MYO16: variants seen among roughly 807,000 people sequenced by gnomAD.
MYO16 encodes unconventional myosin-XVI.
A neutral mutation model predicts 205.3 loss-of-function variants in MYO16; 94 were observed. That is an observed-to-expected ratio of 0.46 (90% CI 0.39 to 0.54). The LOEUF is 0.54. Ranked by LOEUF, MYO16 falls within the 20% of genes least tolerant of loss-of-function variation. MYO16 has a pLI of 0.00. For missense variants in MYO16, 2,315 were observed against 2,387.5 expected, an observed-to-expected ratio of 0.97 and a Z score of 0.63; for synonymous variants, 988 against 954.0, an observed-to-expected ratio of 1.04 and a Z score of -0.66.
At chr13:108,884,754 A>G (rs935136625) in intron 13 of MYO16, among the ~76,000 whole-genome samples, 12 of 151,930 alleles carry the variant, frequency 7.9e-5, no homozygotes, top group African/African-American at 2.7e-4. Flanking sequence ...TCTAGACACA[A>G]GGATGAGAAA....
At position 108,883,129 on chromosome 13, in the gene MYO16, T is replaced by C. The variant is rs1238791027; in HGVS notation, c.1496T>C (p.Val499Ala). The change falls in exon 13 of 35, where the codon GTG becomes GCG. Residue 499 changes from valine (V) to alanine (A), a missense_variant. Coordinates refer to ENST00000457511, the MANE Select transcript of MYO16 (RefSeq NM_001198950.3). ...CTGCCTCCTCACCTCTTCTCCTGTG[T>C]GGAGAGAGCCTTTCACCAGCTCTTC... is the stretch of plus-strand genomic sequence containing the variant. ...SSLPPHLFSC[V>A]ERAFHQLFRE... 1.2e-6 allele frequency: 2 copies of C among 1,614,096 alleles called. No individual in the cohort carries two copies. The highest frequency in any genetic ancestry group is 1.7e-6 in the Non-Finnish European group (2 of 1,179,968).
At chr13:109,144,696 T>TA (rs1877249961) in intron 32 of MYO16, among the ~76,000 whole-genome samples, 1 of 152,256 alleles carries the variant, frequency 6.6e-6, no homozygotes, top group Non-Finnish European at 1.5e-5. Flanking sequence ...TTAAATTAAC[T>TA]AAAGTTCATT....
At chr13:108,842,033 G>T (rs555214385) in intron 9 of MYO16, among the ~76,000 whole-genome samples, 1 of 152,164 alleles carries the variant, frequency 6.6e-6, no homozygotes, top group Non-Finnish European at 1.5e-5. Context: ...ACAAAAGAAT[G>T]AAATTGGACC....
the MYO16 span, among the ~76,000 whole-genome samples, chr13:108,579,665 T>A: frequency 1.3e-5 from 2 of 152,130 alleles, no homozygotes; most frequent in African/African-American, 4.8e-5. Flanking sequence ...GGTCTCAAAC[T>A]CCTGACCTCG....
rs1029601489 is a variant in MYO16 at position 109,023,803 on chromosome 13, A to G, written c.2796+3892A>G. 2.2e-5 allele frequency among the ~76,000 whole-genome samples: 3 copies of G among 135,932 alleles called. No individual in the cohort carries two copies. In the South Asian group the frequency reaches 6.9e-4, roughly 31 times the overall value. 89.2% of individuals were successfully genotyped at this position (135,932 alleles called of 152,430 possible). ...TATTATATGCATATTCTACATTTAT[A>G]TACATATATTTATATTTTATATTTG... is the stretch of plus-strand genomic sequence containing the variant. On this transcript the variant is annotated intron_variant, in intron 23 of 34. Coordinates refer to ENST00000457511, the MANE Select transcript of MYO16 (RefSeq NM_001198950.3).
At chr13:108,647,289 G>A (rs1334200934) in intron 1 of MYO16, among the ~76,000 whole-genome samples, 1 of 152,022 alleles carries the variant, frequency 6.6e-6, no homozygotes, top group Non-Finnish European at 1.5e-5. Context: ...CCCAGAATTA[G>A]TGCATATGCT....
chr13:108,576,054 G>A, the MYO16 span, among the ~76,000 whole-genome samples: 4 of 152,096 alleles, frequency 2.6e-5, no homozygotes, highest in Admixed American at 1.3e-4. Flanking sequence ...AGCACCCTAA[G>A]ACTAAAGAAA....
At chr13:108,585,667 T>C in the MYO16 span, among the ~76,000 whole-genome samples, 36 of 152,310 alleles carry the variant, frequency 2.4e-4, no homozygotes, top group Non-Finnish European at 2.9e-5. Flanking sequence ...GAATATATTT[T>C]GGGGTTAAGT....
At chr13:108,858,111 G>A (rs1192542822) in intron 11 of MYO16, among the ~76,000 whole-genome samples, 2 of 152,122 alleles carry the variant, frequency 1.3e-5, no homozygotes, top group Non-Finnish European at 2.9e-5. Context: ...TGTTGTCTGT[G>A]GACTAGTAGA....
intron 27 of MYO16, among the ~76,000 whole-genome samples, chr13:109,060,813 A>AAG (rs1458847032): frequency 1.3e-5 from 2 of 152,142 alleles, no homozygotes; most frequent in African/African-American, 4.8e-5. Flanking sequence ...AGCCCCTCAC[A>AAG]AGAGAGTCAG....
the MYO16 span, among the ~76,000 whole-genome samples, chr13:108,526,892 C>T: frequency 6.6e-6 from 1 of 152,158 alleles, no homozygotes; most frequent in African/African-American, 2.4e-5. Flanking sequence ...AGGGTTATAA[C>T]AAGCACAGAC....
intron 2 of MYO16, among the ~76,000 whole-genome samples, chr13:108,679,867 C>T (rs1343680972): frequency 1.3e-5 from 2 of 151,998 alleles, no homozygotes; most frequent in Non-Finnish European, 2.9e-5. Flanking sequence ...TCACCCTTCC[C>T]ATTTCACACC....
At chr13:109,118,695 T>TG (rs1875841999) in intron 28 of MYO16, among the ~76,000 whole-genome samples, 1 of 152,166 alleles carries the variant, frequency 6.6e-6, no homozygotes, top group Non-Finnish European at 1.5e-5. Context: ...TTCCAATGCC[T>TG]GTCTCACAGA....
At chr13:108,989,290 C>T (rs930766445) in intron 20 of MYO16, among the ~76,000 whole-genome samples, 1 of 152,064 alleles carries the variant, frequency 6.6e-6, no homozygotes, top group African/African-American at 2.4e-5. Context: ...TGTTCATGAA[C>T]ATTTCCTATG....
At chr13:108,519,814 G>A in the MYO16 span, among the ~76,000 whole-genome samples, 3 of 152,078 alleles carry the variant, frequency 2.0e-5, no homozygotes, top group Admixed American at 6.6e-5. Context: ...TTTATGTCTT[G>A]TTTGCCTTAG....
At chr13:108,677,322 T>C (rs1303469234) in intron 2 of MYO16, among the ~76,000 whole-genome samples, 1 of 129,094 alleles carries the variant, frequency 7.7e-6, no homozygotes, top group Non-Finnish European at 1.6e-5. Context: ...CATGTGTGTG[T>C]GTGTGTGTGT....
At chr13:108,728,334 A>G (rs2139585866) in intron 4 of MYO16, among the ~76,000 whole-genome samples, 1 of 152,348 alleles carries the variant, frequency 6.6e-6, no homozygotes, top group Non-Finnish European at 1.5e-5. Flanking sequence ...ACTTGCCGTA[A>G]GCCAAAAGCA....
intron 3 of MYO16, among the ~76,000 whole-genome samples, chr13:108,724,947 C>G (rs1249913408): frequency 6.6e-6 from 1 of 152,098 alleles, no homozygotes; most frequent in Non-Finnish European, 1.5e-5. Flanking sequence ...TTGATATAAT[C>G]TTTTAAAAAG....
chr13:108,785,745 T>C lies in MYO16; in HGVS notation c.616+2T>C. On this transcript the variant is annotated splice_donor_variant, in intron 5 of 34. Transcript: ENST00000457511. LOFTEE classifies it high-confidence loss of function. ...TGTTGACCTATCTGGATGAAAATGG[T>C]AGGCAAAAACTTTTAAAACCATAGA... is the stretch of plus-strand genomic sequence containing the variant. 2 of 1,575,558 alleles carry C rather than the reference T, an allele frequency of 1.3e-6. No homozygotes were observed. Among genetic ancestry groups the C allele is most frequent in the Non-Finnish European group, 1.7e-6 (2 of 1,154,120 alleles).
Sources: gnomAD v4.1 joint callset for allele counts (sites outside exome capture counted in the v4.1 genomes callset) on GRCh38, gnomAD v4.1.1 for gene constraint, MANE v1.5 for transcripts, NCBI Gene and HGNC (gene_info 2026-07-23, HGNC 2026-07-21) for gene names.